The following GMEB2 variants were observed in gnomAD, a reference collection of about 807,000 sequenced individuals.
GMEB2 encodes the protein glucocorticoid modulatory element-binding protein 2.
Under a neutral mutation model 45.7 loss-of-function variants are expected in GMEB2, and 7 were observed. The observed-to-expected ratio is 0.15, with a 90% confidence interval of 0.09 to 0.29. The LOEUF is 0.29. Ranked by LOEUF, GMEB2 falls within the 10% of genes least tolerant of loss-of-function variation. The probability of loss-of-function intolerance (pLI) is 1.00; values close to 1 mark genes in which losing one functional copy is unlikely to be tolerated. For synonymous variants in GMEB2, 322 were observed against 323.6 expected (o/e 1.00, Z 0.05); for missense variants, 582 against 739.2 (o/e 0.79, Z 2.47).
At chr20:63,614,852 C>T (rs2089596918) in intron 2 of GMEB2, among the ~76,000 whole-genome samples, 1 of 152,206 alleles carries the variant, frequency 6.6e-6, no homozygotes, top group African/African-American at 2.4e-5. Context: ...ACGTGACCCA[C>T]ATGACCTTAC....
At chr20:63,614,613 G>A (rs1324517527) in intron 2 of GMEB2, among the ~76,000 whole-genome samples, 3 of 152,152 alleles carry the variant, frequency 2.0e-5, no homozygotes, top group South Asian at 2.1e-4. Flanking sequence ...GCAGTTATCC[G>A]GAGGCCTAAC....
intron 2 of GMEB2, among the ~76,000 whole-genome samples, chr20:63,606,426 C>A (rs540023545): frequency 6.6e-6 from 1 of 150,808 alleles, no homozygotes; most frequent in East Asian, 2.0e-4. Context: ...CCGCCCACTG[C>A]AAGCTCTGCC....
chr20:63,626,230 A>ACCCCTGTGGGTCTCGTCCCTGTGGGGTGG lies in GMEB2; in HGVS notation c.-58+725_-58+726insCCACCCCACAGGGACGAGACCCACAGGGG, dbSNP rs2089670685. ...CCTGAGAGTGGGTCCCAGTGGGGTGATCCCTGCGGGTCGCGTCCCTGCGAG... is the reference window on the plus strand; with the variant it reads ...CCTGAGAGTGGGTCCCAGTGGGGTGACCCCTGTGGGTCTCGTCCCTGTGGGGTGGTCCCTGCGGGTCGCGTCCCTGCGAG... On this transcript the variant is annotated intron_variant, in intron 1 of 9. Transcript: ENST00000370077. Among the ~76,000 whole-genome samples, 2 of 146,764 alleles carry ACCCCTGTGGGTCTCGTCCCTGTGGGGTGG rather than the reference A, an allele frequency of 1.4e-5. 1 individual carries two copies. Among genetic ancestry groups the ACCCCTGTGGGTCTCGTCCCTGTGGGGTGG allele is most frequent in the Admixed American group, 1.3e-4 (2 of 14,854 alleles).
At chr20:63,597,364 A>G (rs1470909869) in intron 5 of GMEB2, among the ~76,000 whole-genome samples, 1 of 151,738 alleles carries the variant, frequency 6.6e-6, no homozygotes, top group Non-Finnish European at 1.5e-5. Context: ...AGGTCTCATT[A>G]TTGTGCCCAG....
intron 1 of GMEB2, among the ~76,000 whole-genome samples, chr20:63,626,237 C>T (rs13039468): frequency 0.047 from 570 of 12,106 alleles, 22 homozygotes; most frequent in Middle Eastern, 0.14. Context: ...GTGATCCCTG[C>T]GGGTCGCGTC....
At chr20:63,598,457 T>C (rs1482752609) in intron 4 of GMEB2, among the ~76,000 whole-genome samples, 1 of 152,078 alleles carries the variant, frequency 6.6e-6, no homozygotes, top group East Asian at 1.9e-4. Context: ...AGGTAAAATA[T>C]CCTGTTCAAT....
At position 63,590,592 on chromosome 20, in the gene GMEB2, C is replaced by T. The variant is rs1419834209; in HGVS notation, c.1090G>A (p.Ala364Thr). 6.3e-7 allele frequency: 1 copy of T among 1,588,884 alleles called. No individual in the cohort carries two copies. The highest frequency in any genetic ancestry group is 8.6e-7 in the Non-Finnish European group (1 of 1,166,704). Reference sequence around the variant, plus strand: ...GCCATGGCGGCCGGTCCTGATGTGGCACGTGCAAGCCGGGGCCGCTTCACA... The same window carrying T: ...GCCATGGCGGCCGGTCCTGATGTGGTACGTGCAAGCCGGGGCCGCTTCACA... The part of the protein sequence containing the change: ...PPVKRPRLAR[A>T]TSGPAAMASQ... The change falls in exon 10 of 10, where the codon GCC becomes ACC. Residue 364 changes from alanine to threonine, a missense_variant. By Grantham distance (58) the Ala-to-Thr change is moderately conservative (BLOSUM62 0). Coordinates refer to ENST00000370077, the MANE Select transcript of GMEB2 (RefSeq NM_012384.5).
At position 63,589,997 on chromosome 20, in the gene GMEB2, C is replaced by T. The variant is rs1224423511; in HGVS notation, c.*92G>A. Reference sequence around the variant, plus strand: ...CTGCAGACCACGTGACCCACCTGCCCGAGCCAGCCCTGCGGCCTCTGCCCG... The same window carrying T: ...CTGCAGACCACGTGACCCACCTGCCTGAGCCAGCCCTGCGGCCTCTGCCCG... On this transcript the variant is annotated 3_prime_UTR_variant, in exon 10 of 10. Transcript: ENST00000370077. The T allele has an allele frequency of 1.8e-5, 21 of 1,178,268 alleles. No individual in the cohort carries two copies. In the East Asian group the frequency reaches 3.8e-4, roughly 21 times the overall value. 73.0% of individuals were successfully genotyped at this position (1,178,268 alleles called of 1,614,324 possible).
rs2083112555 is a variant in GMEB2 at position 63,588,356 on chromosome 20, G to A, written c.*1733C>T. 6.1e-6 allele frequency: 1 copy of A among 163,842 alleles called. No homozygotes were observed. Among genetic ancestry groups the A allele is most frequent in the Non-Finnish European group, 1.3e-5 (1 of 76,198 alleles). The allele number at this position is 163,842 out of a possible 1,614,324, so 10.1% of individuals were successfully genotyped here. ...CCCAGGGTCACAGGCAGCTGTATTA[G>A]TGACAGGTTCTGAGCTGGTGGGTGG... is the stretch of plus-strand genomic sequence containing the variant. On this transcript the variant is annotated 3_prime_UTR_variant, in exon 10 of 10. Coordinates refer to ENST00000370077, the MANE Select transcript of GMEB2 (RefSeq NM_012384.5).
intron 2 of GMEB2, among the ~76,000 whole-genome samples, chr20:63,610,094 G>A (rs1261033564): frequency 1.3e-5 from 2 of 152,254 alleles, no homozygotes; most frequent in Non-Finnish European, 2.9e-5. Context: ...TCTGGAACCC[G>A]TGCGGGCAGC....
chr20:63,590,154 CG>C lies in GMEB2; in HGVS notation c.1527del (p.Pro511LeufsTer257). On this transcript the variant is annotated frameshift_variant, in exon 10 of 10. Coordinates refer to ENST00000370077, the MANE Select transcript of GMEB2 (RefSeq NM_012384.5). LOFTEE classifies it high-confidence loss of function. ...ATGGTGGCCGTGTGCTCCTCAGGCC[CG>C]GGGGCAGCCCCTGCGGGCACTGTCA... ...TIVTVPAGAA[P>X]GPEEHTATIE... is the part of the protein sequence containing the mutation. 3 of 1,577,174 alleles carry C rather than the reference CG, an allele frequency of 1.9e-6. No homozygotes were observed. Among genetic ancestry groups the C allele is most frequent in the Non-Finnish European group, 1.7e-6 (2 of 1,159,378 alleles).
intron 2 of GMEB2, among the ~76,000 whole-genome samples, chr20:63,605,319 G>A (rs762800257): frequency 1.3e-5 from 2 of 152,046 alleles, no homozygotes; most frequent in East Asian, 1.9e-4. Context: ...AATCACCTGA[G>A]GTCAGAAGTT....
At chr20:63,596,244 G>A (rs1469703499) in intron 5 of GMEB2, among the ~76,000 whole-genome samples, 1 of 152,252 alleles carries the variant, frequency 6.6e-6, no homozygotes, top group African/African-American at 2.4e-5. Flanking sequence ...GAGGGCGCAG[G>A]ACAGCACCAA....
chr20:63,622,525 A>C (rs2089647327), intron 1 of GMEB2, among the ~76,000 whole-genome samples: 1 of 152,212 alleles, frequency 6.6e-6, no homozygotes, highest in South Asian at 2.1e-4. Flanking sequence ...AGAGAACAAA[A>C]GGTCCTCAGG....
At position 63,588,723 on chromosome 20, in the gene GMEB2, T is replaced by A; in HGVS notation, c.*1366A>T. The A allele has an allele frequency of 2.5e-6, 1 of 398,634 alleles. No individual in the cohort carries two copies. The highest frequency in any genetic ancestry group is 4.4e-5 in the Admixed American group (1 of 22,740). The allele number at this position is 398,634 out of a possible 1,614,324, so 24.7% of individuals were successfully genotyped here. The stretch of plus-strand genomic sequence containing the variant: ...GCATTGCGGGGCCTCAGACGGGCCT[T>A]CAACTGCCGACAGAATCAGCAGGAG... On this transcript the variant is annotated 3_prime_UTR_variant, in exon 10 of 10. Transcript: ENST00000370077.
Position 63,604,771 on chromosome 20 carries a change from G to T in GMEB2, c.201C>A (p.Ala67=). 1 of 1,609,946 alleles carries T rather than the reference G, an allele frequency of 6.2e-7. No individual in the cohort carries two copies. Among genetic ancestry groups the T allele is most frequent in the Non-Finnish European group, 8.5e-7 (1 of 1,176,224 alleles). Residue 67 remains alanine (A), a synonymous_variant, in exon 3 of 10, where the codon GCC becomes GCA. Coordinates refer to ENST00000370077, the MANE Select transcript of GMEB2 (RefSeq NM_012384.5). ...ACACGGCTTCCTTGAGCTGGGAGGA[G>T]GCTGTGAAGGCCGCGGCAGCTGCTG... is the stretch of plus-strand genomic sequence containing the variant. The part of the protein sequence containing the change: ...AAAAAAAAFT[A]SSQLKEAVLV...
intron 1 of GMEB2, among the ~76,000 whole-genome samples, chr20:63,626,743 G>A (rs1178518776): frequency 2.0e-5 from 3 of 147,998 alleles, no homozygotes; most frequent in East Asian, 2.0e-4. Context: ...GGCAGGAAGC[G>A]CCGCCGCCCG....
chr20:63,595,848 T>C, intron 5 of GMEB2, 81 bp from the exon 6 acceptor site: 1 of 1,301,248 alleles, frequency 7.7e-7, no homozygotes, highest in South Asian at 1.2e-5. Flanking sequence ...ACCTGGGCCA[T>C]CCACCTGCGT....
At chr20:63,616,157 A>G (rs1247868122) in intron 2 of GMEB2, among the ~76,000 whole-genome samples, 1 of 152,156 alleles carries the variant, frequency 6.6e-6, no homozygotes, top group Non-Finnish European at 1.5e-5. Flanking sequence ...AGACACACAC[A>G]TGTGGGCCGG....
Sources: gnomAD v4.1 joint callset for allele counts (sites outside exome capture counted in the v4.1 genomes callset) on GRCh38, gnomAD v4.1.1 for gene constraint, MANE v1.5 for transcripts, NCBI Gene and HGNC (gene_info 2026-07-23, HGNC 2026-07-21) for gene names.